Variants in PCM1 observed in about 807,000 individuals in gnomAD.
The protein encoded by PCM1 is pericentriolar material 1 protein.
PCM1 carries 157 observed loss-of-function variants against 241.9 expected under a neutral mutation model. That is an observed-to-expected ratio of 0.65 (90% CI 0.57 to 0.74). The LOEUF (loss-of-function observed/expected upper bound fraction) is 0.74, where lower values mean the gene tolerates loss of function less well. Ranked by LOEUF, PCM1 falls within the 30% of genes least tolerant of loss-of-function variation. PCM1 has a pLI of 0.00. For missense variants in PCM1, 3,478 were observed against 2,360.1 expected (o/e 1.47, Z -9.81); for synonymous variants, 1,085 against 784.9 (o/e 1.38, Z -6.39).
At chr8:17,940,304 C>T in intron 6 of PCM1, 1 of 493,936 alleles carries the variant, frequency 2.0e-6, no homozygotes, top group Non-Finnish European at 3.6e-6. Flanking sequence ...TGTATGTGTT[C>T]TTCTGTATTT....
intron 5 of PCM1, among the ~76,000 whole-genome samples, 160 bp downstream of exon 5, chr8:17,939,169 A>G (rs1484968633): frequency 6.6e-6 from 1 of 152,194 alleles, no homozygotes; most frequent in Non-Finnish European, 1.5e-5. Context: ...CTTAAAATAG[A>G]GTAAATTTCT....
At position 17,983,122 on chromosome 8, in the gene PCM1, T is replaced by C. The variant is rs115176293; in HGVS notation, c.4109-2325T>C. On this transcript the variant is annotated intron_variant, in intron 24 of 38. Transcript: ENST00000325083. ...TAAGCCTTAGTTCAGGCAAACAATT[T>C]TAAAGAAATTCGCTTATTTCTTTTT... 1.6e-3 allele frequency: 633 copies of C among 390,596 alleles called. 3 individuals are homozygous for C. The highest frequency in any genetic ancestry group is 0.012 in the African/African-American group (580 of 46,858). 24.2% of individuals were successfully genotyped at this position (390,596 alleles called of 1,614,324 possible). A position where few individuals can be genotyped will look rare whatever the true frequency, so the allele number is the denominator to read the frequency against.
In PCM1 at chr8:17,955,719, T is replaced by TTTA. The variant is rs538740576; in HGVS notation, c.1472+66_1472+67insTTA. On this transcript the variant is annotated intron_variant, in intron 10 of 38. Coordinates refer to ENST00000325083, the MANE Select transcript of PCM1 (RefSeq NM_006197.4). ...TAGGGATAAATTCTGTTTTTTTTTT[T>TTTA]ATGTTGAAAATTCTGCAAAACGAGA... is the stretch of plus-strand genomic sequence containing the variant. The TTTA allele has an allele frequency of 5.4e-5, 67 of 1,251,484 alleles. No homozygotes were observed. In the African/African-American group the frequency reaches 7.9e-4, roughly 15 times the overall value. 77.5% of individuals were successfully genotyped at this position (1,251,484 alleles called of 1,614,324 possible). A position where few individuals can be genotyped will look rare whatever the true frequency, so the allele number is the denominator to read the frequency against.
At chr8:17,939,520 A>G (rs939436044) in intron 5 of PCM1, among the ~76,000 whole-genome samples, 171 bp from the exon 6 acceptor site, 10 of 152,182 alleles carry the variant, frequency 6.6e-5, no homozygotes, top group Admixed American at 5.9e-4. Context: ...CTTGATTAAA[A>G]TCTAAGCTGG....
chr8:18,009,183 G>A (rs553765520), intron 30 of PCM1, among the ~76,000 whole-genome samples: 1 of 152,328 alleles, frequency 6.6e-6, no homozygotes. Flanking sequence ...AGAGGTGGAA[G>A]ATTTTGTCTT....
chr8:18,001,126 G>A (rs867735141), intron 29 of PCM1, among the ~76,000 whole-genome samples: 1 of 152,330 alleles, frequency 6.6e-6, no homozygotes, highest in African/African-American at 2.4e-5. Context: ...GCATTTGTAA[G>A]TTGTACAAAA....
At chr8:17,983,236 A>T (rs1341098052) in intron 24 of PCM1, 1 of 1,320,350 alleles carries the variant, frequency 7.6e-7, no homozygotes, top group Admixed American at 2.3e-5. Context: ...CCTACAGCAC[A>T]TGCTAGGAGA....
At chr8:17,939,559 C>G in intron 5 of PCM1, 132 bp from the exon 6 acceptor site, 1 of 465,592 alleles carries the variant, frequency 2.1e-6, no homozygotes, top group Non-Finnish European at 3.7e-6. Context: ...TGTTAATTCA[C>G]ACAATAATCC....
intron 9 of PCM1, among the ~76,000 whole-genome samples, chr8:17,954,237 G>T (rs575447312): frequency 8.5e-5 from 13 of 152,204 alleles, no homozygotes; most frequent in African/African-American, 3.1e-4. Context: ...AGACCAGCCT[G>T]ACCAACATGG....
chr8:17,966,582 ATTCTCT>A, intron 20 of PCM1, 109 bp downstream of exon 20: 1 of 877,038 alleles, frequency 1.1e-6, no homozygotes, highest in Non-Finnish European at 1.7e-6. Flanking sequence ...ATATTTGGAC[ATTCTCT>A]TTCCCTTGAG....
intron 9 of PCM1, among the ~76,000 whole-genome samples, chr8:17,953,511 AT>A (rs923753844): frequency 1.3e-5 from 2 of 152,090 alleles, no homozygotes; most frequent in African/African-American, 4.8e-5. Context: ...AACATTCAAA[AT>A]TTTCCCTTAA....
chr8:17,991,848 A>G (rs1392683902), intron 28 of PCM1, 148 bp downstream of exon 28: 2 of 507,384 alleles, frequency 3.9e-6, no homozygotes, highest in Non-Finnish European at 6.8e-6. Flanking sequence ...TTGATCCCTC[A>G]CCCCCTTCCC....
Position 17,950,676 on chromosome 8 carries a change from A to G in PCM1, c.1023A>G (p.Glu341=), listed in dbSNP as rs762545029. 2 of 1,605,506 alleles carry G rather than the reference A, an allele frequency of 1.2e-6. No homozygotes were observed. The highest frequency in any genetic ancestry group is 2.2e-5 in the East Asian group (1 of 44,732). The change falls in exon 8 of 39, where the codon GAA becomes GAG. Residue 341 remains glutamate, a synonymous_variant. Transcript: ENST00000325083. ...GTATCACATCTGAACTAAATGAAGA[A>G]TTGAATGACTTAATTCAGCGTTTTC... ...GVSITSELNE[E]LNDLIQRFHN...
intron 33 of PCM1, 53 bp from the exon 34 acceptor site, chr8:18,011,614 T>C (rs958971949): frequency 7.4e-6 from 11 of 1,479,564 alleles, no homozygotes; most frequent in African/African-American, 2.8e-5. Context: ...GTGGTAGCTA[T>C]TGTTAAGATT....
chr8:18,014,444 G>A (rs993141507), intron 35 of PCM1, 140 bp from the exon 36 acceptor site: 9 of 598,492 alleles, frequency 1.5e-5, no homozygotes, highest in Admixed American at 3.8e-5. Flanking sequence ...CCATTGATAA[G>A]GAAAATTTGT....
chr8:17,952,551 CACA>C (rs1477990325), intron 8 of PCM1, among the ~76,000 whole-genome samples: 2 of 152,056 alleles, frequency 1.3e-5, no homozygotes, highest in East Asian at 3.8e-4. Context: ...GGAGAAATAA[CACA>C]ACAATTTTTA....
At chr8:17,930,509 T>G (rs1234571036) in intron 2 of PCM1, among the ~76,000 whole-genome samples, 1 of 152,058 alleles carries the variant, frequency 6.6e-6, no homozygotes, top group Non-Finnish European at 1.5e-5. Context: ...GACATTTAGG[T>G]GGTTAAAGAG....
intron 29 of PCM1, among the ~76,000 whole-genome samples, chr8:18,002,790 C>T (rs2090053168): frequency 7.7e-6 from 1 of 129,692 alleles, no homozygotes; most frequent in Admixed American, 7.1e-5. Flanking sequence ...GATGATATCT[C>T]ATAGTGGTTT....
intron 29 of PCM1, among the ~76,000 whole-genome samples, chr8:18,001,321 T>C (rs2089341999): frequency 6.6e-6 from 1 of 152,252 alleles, no homozygotes; most frequent in African/African-American, 2.4e-5. Context: ...TTGAAGGTAA[T>C]CTGTTTACTT....
Sources: allele counts gnomAD v4.1 joint callset (sites outside exome capture counted in the v4.1 genomes callset), GRCh38; gene constraint gnomAD v4.1.1; transcripts MANE v1.5; gene names NCBI Gene and HGNC (gene_info 2026-07-23, HGNC 2026-07-21).